The following TRIM22 variants were observed in gnomAD, a reference collection of about 807,000 sequenced individuals.
TRIM22 encodes tripartite motif containing 22, also known as E3 ubiquitin-protein ligase TRIM22.
A neutral mutation model predicts 53.6 loss-of-function variants in TRIM22; 45 were observed. The observed-to-expected ratio is 0.84, with a 90% CI of 0.66 to 1.08. The LOEUF is 1.08. TRIM22 is among the 50% of genes least tolerant of loss of function. The pLI, the probability that TRIM22 is intolerant of heterozygous loss-of-function variation, is 0.00. For missense variants in TRIM22, 616 were observed against 590.9 expected (o/e 1.04, Z -0.44); for synonymous variants, 225 against 216.6 (o/e 1.04, Z -0.34).
intron 5 of TRIM22, among the ~76,000 whole-genome samples, chr11:5,707,966 G>C: frequency 6.6e-6 from 1 of 152,128 alleles, no homozygotes; most frequent in Non-Finnish European, 1.5e-5. Context: ...ATTACACAGA[G>C]GGGAAGACCT....
chr11:5,692,164 T>C (rs1226159176), intron 1 of TRIM22, among the ~76,000 whole-genome samples: 43 of 152,130 alleles, frequency 2.8e-4, no homozygotes, highest in Admixed American at 2.8e-3. Flanking sequence ...AGCAAAAAGG[T>C]AGCAGTTACT....
At chr11:5,708,697 AT>A in intron 7 of TRIM22, 94 bp downstream of exon 7, 1 of 1,138,554 alleles carries the variant, frequency 8.8e-7, no homozygotes, top group Non-Finnish European at 1.2e-6. Context: ...CTCCCCAAAC[AT>A]GCTTAAACCA....
intron 3 of TRIM22, 73 bp downstream of exon 3, chr11:5,697,416 A>T: frequency 9.5e-7 from 1 of 1,058,198 alleles, no homozygotes; most frequent in Non-Finnish European, 1.4e-6. Flanking sequence ...TCACAAGGAG[A>T]CCCCTTCCTC....
chr11:5,706,627 A>C lies in TRIM22; in HGVS notation c.773+11A>C. 2.1e-5 allele frequency: 33 copies of C among 1,605,620 alleles called. No individual in the cohort carries two copies. Among genetic ancestry groups the C allele is most frequent in the Non-Finnish European group, 2.8e-5 (33 of 1,174,492 alleles). ...TGACGTCATGAAAAGGTATATGTGG[A>C]AGAGAGATGTGGTCTTATTTGTCTG... On this transcript the variant is annotated intron_variant, in intron 5 of 7. Coordinates refer to ENST00000379965, the MANE Select transcript of TRIM22 (RefSeq NM_006074.5).
In TRIM22 at chr11:5,696,621, C is replaced by T; in HGVS notation, c.389C>T (p.Thr130Ile). The T allele has an allele frequency of 6.2e-7, 1 of 1,613,170 alleles. No homozygotes were observed. The highest frequency in any genetic ancestry group is 8.5e-7 in the Non-Finnish European group (1 of 1,179,960). ...TCTCAGGAACACCAAGGTCACCAAA[C>T]ATTCCGCATAAACGAGGTGGTCAAG... is the stretch of plus-strand genomic sequence containing the variant. ...ELSQEHQGHQ[T>I]FRINEVVKEC... The change falls in exon 2 of 8, where the codon ACA becomes ATA. Residue 130 changes from threonine (T) to isoleucine (I), a missense_variant. Coordinates refer to ENST00000379965, the MANE Select transcript of TRIM22 (RefSeq NM_006074.5).
chr11:5,694,209 T>A (rs1310089445), intron 1 of TRIM22, among the ~76,000 whole-genome samples: 2 of 152,246 alleles, frequency 1.3e-5, no homozygotes, highest in East Asian at 3.8e-4. Flanking sequence ...ACTTTATCTC[T>A]CTGCTACATA....
At chr11:5,699,766 A>G (rs73404206) in intron 4 of TRIM22, among the ~76,000 whole-genome samples, 12,404 of 148,484 alleles carry the variant, frequency 0.084, 950 homozygotes, top group African/African-American at 0.2. Flanking sequence ...TAGTGGGAAC[A>G]TAATGGTATC....
intron 4 of TRIM22, among the ~76,000 whole-genome samples, chr11:5,706,365 C>T (rs1343739286): frequency 1.3e-5 from 2 of 152,044 alleles, no homozygotes; most frequent in African/African-American, 2.4e-5. Flanking sequence ...GATAGGAGGG[C>T]CTATTACTTT....
At position 5,691,577 on chromosome 11, in the gene TRIM22, G is replaced by A. The variant is rs1853172445; in HGVS notation, c.-67+1678G>A. Among the ~76,000 whole-genome samples the A allele has an allele frequency of 3.3e-5, 5 of 152,172 alleles. No homozygotes were observed. The South Asian group carries it at 1.0e-3, about 32-fold the overall frequency. ...AGAAATTGGGCATAAGACAATATGA[G>A]AGGTGGTCTCCTCCCTCAACTTCTG... On this transcript the variant is annotated intron_variant, in intron 1 of 7. Coordinates refer to ENST00000379965, the MANE Select transcript of TRIM22 (RefSeq NM_006074.5).
In TRIM22 at chr11:5,709,267, C is replaced by G. The variant is rs770061934; in HGVS notation, c.1116C>G (p.His372Gln). The G allele has an allele frequency of 6.8e-6, 11 of 1,614,082 alleles. No individual in the cohort carries two copies. The highest frequency in any genetic ancestry group is 3.3e-5 in the South Asian group (3 of 91,082). The change falls in exon 8 of 8, where the codon CAC (histidine) becomes CAG (glutamine). Residue 372 changes from histidine (H) to glutamine (Q), a missense_variant. By Grantham distance (24) the His-to-Gln change is conservative (BLOSUM62 0). Transcript: ENST00000379965. ...AGATTGCCTGGATCCTGGGCGTACACAGTAAAATAAGTAGTCTGAATAAAA... is the reference window on the plus strand; with the variant it reads ...AGATTGCCTGGATCCTGGGCGTACAGAGTAAAATAAGTAGTCTGAATAAAA... ...SGKIAWILGV[H>Q]SKISSLNKRK...
chr11:5,698,514 G>A lies in TRIM22; in HGVS notation c.719G>A (p.Arg240Lys). Residue 240 changes from arginine (R) to lysine (K), a missense_variant, in exon 4 of 8, where the codon AGG becomes AAG. By Grantham distance (26) the Arg-to-Lys change is conservative. Coordinates refer to ENST00000379965, the MANE Select transcript of TRIM22 (RefSeq NM_006074.5). ...ASTLISDLQRRLRGSSVEMLQ... is the reference protein window; with the variant it reads ...ASTLISDLQRKLRGSSVEMLQ... ...ACGCTCATCTCAGATCTCCAGCGGA[G>A]GTTGAGGGGATCGTCAGTAGAGATG... The A allele has an allele frequency of 6.2e-7, 1 of 1,613,864 alleles. No homozygotes were observed. Among genetic ancestry groups the A allele is most frequent in the Middle Eastern group, 1.7e-4 (1 of 6,026 alleles).
intron 7 of TRIM22, 109 bp downstream of exon 7, chr11:5,708,712 AG>A: frequency 2.0e-5 from 16 of 793,004 alleles, no homozygotes; most frequent in Non-Finnish European, 3.0e-5. Context: ...TAAACCATGT[AG>A]TTCTTTTTTT....
intron 5 of TRIM22, among the ~76,000 whole-genome samples, chr11:5,707,337 C>T (rs1040750239): frequency 4.6e-5 from 7 of 152,102 alleles, no homozygotes; most frequent in African/African-American, 1.7e-4. Context: ...CCCTTTAGCT[C>T]TTCAATATAG....
intron 4 of TRIM22, among the ~76,000 whole-genome samples, chr11:5,700,603 T>TC (rs1853358685): frequency 7.3e-6 from 1 of 137,262 alleles, no homozygotes; most frequent in Non-Finnish European, 1.6e-5. Flanking sequence ...TTTTTTTTTT[T>TC]TTCAGATTTG....
rs1853273401 is a variant in TRIM22, at chr11:5,696,917, C to A, written c.423+262C>A. 15 of 525,148 alleles carry A rather than the reference C, an allele frequency of 2.9e-5. No homozygotes were observed. The South Asian group carries it at 4.5e-4, about 16-fold the overall frequency. 32.5% of individuals were successfully genotyped at this position (525,148 alleles called of 1,614,324 possible). A position where few individuals can be genotyped will look rare whatever the true frequency, so the allele number is the denominator to read the frequency against. ...TTTGTAAGATAAGCTTTCATTGCCC[C>A]TCCAAGAAGAACAGTATTTTTGGGA... is the stretch of plus-strand genomic sequence containing the variant. On this transcript the variant is annotated intron_variant, in intron 2 of 7. Coordinates refer to ENST00000379965, the MANE Select transcript of TRIM22 (RefSeq NM_006074.5).
intron 1 of TRIM22, among the ~76,000 whole-genome samples, chr11:5,690,159 C>A (rs1853150918): frequency 2.0e-5 from 3 of 152,170 alleles, no homozygotes; most frequent in Admixed American, 2.0e-4. Context: ...AATCTAGGTA[C>A]CTCCATCACC....
intron 2 of TRIM22, 180 bp downstream of exon 2, chr11:5,696,835 T>C: frequency 1.5e-6 from 1 of 652,720 alleles, no homozygotes; most frequent in Non-Finnish European, 2.5e-6. Context: ...CACATTGTTT[T>C]ATTTAAAAAA....
chr11:5,708,112 G>C, intron 5 of TRIM22, 61 bp from the exon 6 acceptor site: 1 of 1,334,148 alleles, frequency 7.5e-7, no homozygotes, highest in Non-Finnish European at 1.1e-6. Flanking sequence ...AAGAGACAGT[G>C]ATCTTGGATG....
Position 5,709,474 on chromosome 11 carries a change from T to C in TRIM22, c.1323T>C (p.Cys441=). ...VLTLFMAVPP[C]RIGVFLDYEA... ...CTCTCTTTATGGCTGTGCCTCCCTG[T>C]CGTATTGGGGTTTTCCTAGACTATG... Residue 441 remains cysteine, a synonymous_variant, in exon 8 of 8, where the codon TGT becomes TGC. Coordinates refer to ENST00000379965, the MANE Select transcript of TRIM22 (RefSeq NM_006074.5). The C allele has an allele frequency of 6.2e-7, 1 of 1,614,238 alleles. No individual in the cohort carries two copies. Among genetic ancestry groups the C allele is most frequent in the Non-Finnish European group, 8.5e-7 (1 of 1,180,040 alleles).
Sources: gnomAD v4.1 joint callset for allele counts (sites outside exome capture counted in the v4.1 genomes callset) on GRCh38, gnomAD v4.1.1 for gene constraint, MANE v1.5 for transcripts, NCBI Gene and HGNC (gene_info 2026-07-23, HGNC 2026-07-21) for gene names.